Variants in DUOX1 observed in about 807,000 individuals in gnomAD.
DUOX1 encodes dual oxidase 1, also known as NADPH thyroid oxidase 1.
DUOX1 carries 134 observed loss-of-function variants against 181.8 expected under a neutral mutation model. The ratio of observed to expected loss-of-function variants is 0.74; its 90% confidence interval spans 0.64 to 0.85. The LOEUF (loss-of-function observed/expected upper bound fraction) is 0.85, where lower values mean the gene tolerates loss of function less well. Ranked by LOEUF, DUOX1 falls within the 40% of genes least tolerant of loss-of-function variation. The probability of loss-of-function intolerance (pLI) is 0.00; values close to 1 mark genes in which losing one functional copy is unlikely to be tolerated. For missense variants in DUOX1, 1,814 were observed against 2,064.4 expected (o/e 0.88, Z 2.35); for synonymous variants, 798 against 832.5 (o/e 0.96, Z 0.71).
intron 28 of DUOX1, among the ~76,000 whole-genome samples, chr15:45,156,534 G>A (rs1896973886): frequency 6.6e-6 from 1 of 152,184 alleles, no homozygotes; most frequent in African/African-American, 2.4e-5. Context: ...CCGGGTTCAA[G>A]CAATTCTCCT....
intron 10 of DUOX1, 60 bp downstream of exon 10, chr15:45,138,074 G>GTATA: frequency 2.0e-6 from 2 of 994,108 alleles, no homozygotes; most frequent in Non-Finnish European, 2.9e-6. Context: ...ATGTGTGTGT[G>GTATA]TGTATGTGTG....
chr15:45,156,318 G>T (rs1214732925), intron 28 of DUOX1, among the ~76,000 whole-genome samples: 1 of 152,190 alleles, frequency 6.6e-6, no homozygotes, highest in East Asian at 1.9e-4. Flanking sequence ...AATGGGTTCT[G>T]CCACTTTTGT....
Position 45,139,183 on chromosome 15 carries a change from G to A in DUOX1, c.1216+15G>A. The A allele has an allele frequency of 1.2e-6, 2 of 1,614,078 alleles. No homozygotes were observed. The highest frequency in any genetic ancestry group is 3.3e-4 in the Middle Eastern group (2 of 6,062). On this transcript the variant is annotated intron_variant, in intron 11 of 33. Coordinates refer to ENST00000389037, the MANE Select transcript of DUOX1 (RefSeq NM_175940.3). ...AGATGTGCGGGGTGAGTCTGAGGCT[G>A]TCCCTGCAGGTTGTGAACTCCTGGC...
intron 26 of DUOX1, chr15:45,153,712 C>G (rs985440691): frequency 6.3e-6 from 4 of 639,280 alleles, no homozygotes; most frequent in Non-Finnish European, 1.1e-5. Flanking sequence ...AGGGTCCCAT[C>G]TGGAATTCCC....
Position 45,155,808 on chromosome 15 carries a change from C to G in DUOX1, c.3581C>G (p.Thr1194Arg), listed in dbSNP as rs770503887. The G allele has an allele frequency of 1.2e-6, 2 of 1,613,718 alleles. No individual in the cohort carries two copies. The highest frequency in any genetic ancestry group is 8.5e-7 in the Non-Finnish European group (1 of 1,180,004). The change falls in exon 28 of 34, where the codon ACG becomes AGG. Residue 1194 changes from threonine to arginine, a missense_variant. Physicochemically the swap from Thr to Arg is moderately conservative, Grantham distance 71. Transcript: ENST00000389037. ...WWFFQTVPGL[T>R]GVVLLLILAI... ...CCCTATATTCATTTTGCAGGCCTCA[C>G]GGGGGTTGTGCTGCTCCTGATCCTG...
In DUOX1 at chr15:45,141,041, C is replaced by G. The variant is rs375096893; in HGVS notation, c.1536C>G (p.Asp512Glu). Residue 512 changes from aspartate (D) to glutamate (E), a missense_variant, in exon 13 of 34, where the codon GAC (aspartate) becomes GAG (glutamate). Physicochemically the swap from Asp to Glu is conservative, Grantham distance 45. Around this residue, in one of 5 missense-constraint regions of DUOX1, gnomAD observed 1,064 missense variants for 1,152.9 expected, o/e 0.92. Transcript: ENST00000389037. The part of the protein sequence containing the change: ...LEQFVRLRDG[D>E]RYWFENTRNG... ...AATTTGTGCGGCTACGGGATGGTGA[C>G]CGCTACTGGTTTGAGAACACCAGGA... 6.2e-7 allele frequency: 1 copy of G among 1,614,234 alleles called. No homozygotes were observed. Among genetic ancestry groups the G allele is most frequent in the Admixed American group, 1.7e-5 (1 of 60,028 alleles).
Position 45,147,627 on chromosome 15 carries a change from G to A in DUOX1, c.2517G>A (p.Glu839=), listed in dbSNP as rs1319939838. The A allele has an allele frequency of 5.0e-6, 8 of 1,614,204 alleles. No homozygotes were observed. The highest frequency in any genetic ancestry group is 6.8e-6 in the Non-Finnish European group (8 of 1,180,038). Reference sequence around the variant, plus strand: ...GCAATGGCTACCTGTCCTTCCGAGAGTTCCTGGACATCCTGGTGGTCTTCA... The same window carrying A: ...GCAATGGCTACCTGTCCTTCCGAGAATTCCTGGACATCCTGGTGGTCTTCA... The part of the protein sequence containing the change: ...KDGNGYLSFR[E]FLDILVVFMK... The change falls in exon 19 of 34, where the codon GAG becomes GAA. Residue 839 remains glutamate, a synonymous_variant. Transcript: ENST00000389037.
At chr15:45,161,365 G>A (rs1245906842) in intron 29 of DUOX1, among the ~76,000 whole-genome samples, 1 of 142,046 alleles carries the variant, frequency 7.0e-6, no homozygotes, top group Non-Finnish European at 1.5e-5. Flanking sequence ...GTTGCAGTGA[G>A]CTGAGATCGT....
chr15:45,157,992 C>T (rs1199474212), intron 28 of DUOX1, among the ~76,000 whole-genome samples: 2 of 151,938 alleles, frequency 1.3e-5, no homozygotes, highest in Non-Finnish European at 2.9e-5. Flanking sequence ...AGATAAATTA[C>T]AAGTAAAGGA....
intron 29 of DUOX1, 28 bp from the exon 30 acceptor site, chr15:45,161,709 GC>G: frequency 6.2e-7 from 1 of 1,604,214 alleles, no homozygotes; most frequent in South Asian, 1.1e-5. Flanking sequence ...GTTCAGGGCA[GC>G]AGCTTCTCAC....
At chr15:45,156,613 A>G (rs1285596328) in intron 28 of DUOX1, among the ~76,000 whole-genome samples, 2 of 152,062 alleles carry the variant, frequency 1.3e-5, no homozygotes, top group Non-Finnish European at 2.9e-5. Flanking sequence ...TTGTATCTTT[A>G]GTAGAGACAG....
chr15:45,142,541 C>T (rs1259485221), intron 15 of DUOX1, among the ~76,000 whole-genome samples: 1 of 152,056 alleles, frequency 6.6e-6, no homozygotes, highest in Non-Finnish European at 1.5e-5. Context: ...GCCTGATCAA[C>T]ATGGAGAAAC....
rs1480496555 is a variant in DUOX1 at position 45,142,789 on chromosome 15, G to GGAACGAAGGAAGGAAGGAAGGA, written c.1823-401_1823-400insGAACGAAGGAAGGAAGGAAGGA. ...GAAAGAAGGAAGGAAGGAAGGAAGGGAGGGAGGAAGGGAGGGAGGAAGAGC... is the reference window on the plus strand; with the variant it reads ...GAAAGAAGGAAGGAAGGAAGGAAGGGGAACGAAGGAAGGAAGGAAGGAAGGGAGGAAGGGAGGGAGGAAGAGC... On this transcript the variant is annotated intron_variant, in intron 15 of 33. Coordinates refer to ENST00000389037, the MANE Select transcript of DUOX1 (RefSeq NM_175940.3). Among the ~76,000 whole-genome samples the GGAACGAAGGAAGGAAGGAAGGA allele has an allele frequency of 3.7e-3, 512 of 139,864 alleles. 8 individuals carry two copies. Among genetic ancestry groups the GGAACGAAGGAAGGAAGGAAGGA allele is most frequent in the Non-Finnish European group, 3.7e-3 (243 of 65,538 alleles). 91.8% of individuals were successfully genotyped at this position (139,864 alleles called of 152,430 possible). A position where few individuals can be genotyped will look rare whatever the true frequency, so the allele number is the denominator to read the frequency against.
At chr15:45,150,531 A>T in intron 21 of DUOX1, 101 bp from the exon 22 acceptor site, 1 of 1,118,658 alleles carries the variant, frequency 8.9e-7, no homozygotes, top group Non-Finnish European at 1.3e-6. Flanking sequence ...GGGACTGTCT[A>T]CTGTGCCTGA....
intron 10 of DUOX1, chr15:45,138,738 A>G (rs1896406317): frequency 3.9e-6 from 1 of 253,460 alleles, no homozygotes; most frequent in South Asian, 9.8e-5. Context: ...GACTTGCCCA[A>G]GGTCATACAG....
Position 45,165,210 on chromosome 15 carries a change from C to T in DUOX1, c.*309C>T. 1 of 452,280 alleles carries T rather than the reference C, an allele frequency of 2.2e-6. No homozygotes were observed. The highest frequency in any genetic ancestry group is 4.0e-6 in the Non-Finnish European group (1 of 248,116). The allele number at this position is 452,280 out of a possible 1,614,324, so 28.0% of individuals were successfully genotyped here. ...TCAGAAACAAATCTCAGAAGACAAG[C>T]TGACCTGACAAGTACTATGTGTGTG... On this transcript the variant is annotated 3_prime_UTR_variant, in exon 34 of 34. Coordinates refer to ENST00000389037, the MANE Select transcript of DUOX1 (RefSeq NM_175940.3).
chr15:45,153,332 C>G lies in DUOX1; in HGVS notation c.3425-48C>G, dbSNP rs200153702. ...CGATCTTGGGCTGAATGAGTGAGCA[C>G]CCACCCTGGGCTGCCCCAAGCTCAC... On this transcript the variant is annotated intron_variant, in intron 25 of 33. Transcript: ENST00000389037. 6.5e-6 allele frequency: 10 copies of G among 1,532,732 alleles called. 1 individual carries two copies. Among genetic ancestry groups the G allele is most frequent in the Non-Finnish European group, 7.2e-6 (8 of 1,105,990 alleles). 94.9% of individuals were successfully genotyped at this position (1,532,732 alleles called of 1,614,324 possible). A position where few individuals can be genotyped will look rare whatever the true frequency, so the allele number is the denominator to read the frequency against.
chr15:45,151,454 A>T (rs1896800279), intron 23 of DUOX1, among the ~76,000 whole-genome samples: 1 of 152,210 alleles, frequency 6.6e-6, no homozygotes, highest in African/African-American at 2.4e-5. Context: ...AATAGTGGTA[A>T]GAGCGAAGGG....
intron 15 of DUOX1, among the ~76,000 whole-genome samples, chr15:45,142,701 G>A (rs550567367): frequency 1.3e-5 from 2 of 151,694 alleles, no homozygotes; most frequent in South Asian, 4.2e-4. Flanking sequence ...CTCCAGCCTG[G>A]GCAACAAGAG....
Sources: gnomAD v4.1 joint callset for allele counts (sites outside exome capture counted in the v4.1 genomes callset) on GRCh38, gnomAD v4.1.1 for gene constraint, gnomAD v4.1.1 regional missense constraint, MANE v1.5 for transcripts, NCBI Gene and HGNC (gene_info 2026-07-23, HGNC 2026-07-21) for gene names.